VPS53: variants seen among roughly 807,000 people sequenced by gnomAD.
VPS53 encodes vacuolar protein sorting-associated protein 53 homolog.
VPS53 carries 70 observed loss-of-function variants against 107.0 expected under a neutral mutation model. The observed-to-expected ratio is 0.65, with a 90% CI of 0.54 to 0.80. The LOEUF is 0.80. VPS53 is among the 30% of genes least tolerant of loss of function. VPS53 has a pLI of 0.00. For synonymous variants in VPS53, 409 were observed against 393.3 expected, an observed-to-expected ratio of 1.04 and a Z score of -0.47; for missense variants, 917 against 1,049.4, an observed-to-expected ratio of 0.87 and a Z score of 1.74.
At chr17:647,338 A>G (rs979572123) in intron 7 of VPS53, among the ~76,000 whole-genome samples, 1 of 152,248 alleles carries the variant, frequency 6.6e-6, no homozygotes, top group African/African-American at 2.4e-5. Flanking sequence ...TCTCCATACA[A>G]AAATGGTGAA....
At chr17:707,381 G>A (rs762293999) in intron 2 of VPS53, among the ~76,000 whole-genome samples, 67 of 151,692 alleles carry the variant, frequency 4.4e-4, no homozygotes, top group Non-Finnish European at 7.8e-4. Context: ...AATTAGCCGC[G>A]TAGTGGCAGG....
intron 1 of VPS53, among the ~76,000 whole-genome samples, chr17:713,856 A>C: frequency 6.7e-6 from 1 of 150,044 alleles, no homozygotes. Flanking sequence ...CCTGGCCAAA[A>C]CGGTGAAACC....
At chr17:648,457 A>T (rs924976360) in intron 7 of VPS53, among the ~76,000 whole-genome samples, 2 of 152,186 alleles carry the variant, frequency 1.3e-5, no homozygotes, top group Non-Finnish European at 2.9e-5. Flanking sequence ...AGGCTGAGGC[A>T]GGAGAATTGC....
At chr17:622,566 G>A (rs919841795) in intron 11 of VPS53, among the ~76,000 whole-genome samples, 8 of 152,144 alleles carry the variant, frequency 5.3e-5, no homozygotes, top group African/African-American at 1.9e-4. Flanking sequence ...CTGTATTCAA[G>A]GAGCTCAATG....
chr17:628,018 T>C, intron 9 of VPS53, 70 bp downstream of exon 9: 1 of 1,469,844 alleles, frequency 6.8e-7, no homozygotes, highest in Non-Finnish European at 9.2e-7. Context: ...TCTAAATTAG[T>C]AGGCTTGACA....
At chr17:559,337 G>C (rs953387833) in intron 15 of VPS53, among the ~76,000 whole-genome samples, 1 of 151,956 alleles carries the variant, frequency 6.6e-6, no homozygotes, top group South Asian at 2.1e-4. Flanking sequence ...TACATGTATC[G>C]TATTTCTTTC....
intron 6 of VPS53, among the ~76,000 whole-genome samples, chr17:653,645 T>A (rs891285285): frequency 3.9e-5 from 6 of 152,110 alleles, no homozygotes; most frequent in African/African-American, 1.4e-4. Context: ...CTAACTAGTA[T>A]CAAAAAGGAT....
rs1190357164 is a variant in VPS53, at chr17:567,648, C to G, written c.1314-4903G>C. Among the ~76,000 whole-genome samples, 12 of 151,848 alleles carry G rather than the reference C, an allele frequency of 7.9e-5. No individual in the cohort carries two copies. In the East Asian group the frequency reaches 2.3e-3, roughly 29 times the overall value. On this transcript the variant is annotated intron_variant, in intron 13 of 21. Coordinates refer to ENST00000437048, the MANE Select transcript of VPS53 (RefSeq NM_001128159.3). Reference sequence around the variant, plus strand: ...CCCAAGTAGCTGGGACTACAGGCGTCCATCACCATGCATGGCTAGGAGGAG... The same window carrying G: ...CCCAAGTAGCTGGGACTACAGGCGTGCATCACCATGCATGGCTAGGAGGAG...
intron 17 of VPS53, among the ~76,000 whole-genome samples, chr17:549,335 C>T (rs1349321845): frequency 6.6e-6 from 1 of 152,104 alleles, no homozygotes; most frequent in Non-Finnish European, 1.5e-5. Context: ...TTTTATTTTG[C>T]TAGAACTCCA....
At chr17:598,187 C>G (rs1390112281) in intron 12 of VPS53, among the ~76,000 whole-genome samples, 1 of 152,218 alleles carries the variant, frequency 6.6e-6, no homozygotes, top group African/African-American at 2.4e-5. Context: ...GGTCTCCAGC[C>G]CCTAACCGCA....
intron 4 of VPS53, among the ~76,000 whole-genome samples, chr17:680,108 A>C (rs1972329992): frequency 6.6e-6 from 1 of 152,236 alleles, no homozygotes; most frequent in Non-Finnish European, 1.5e-5. Flanking sequence ...AATCTGGCCA[A>C]CATGGTGAAA....
intron 13 of VPS53, among the ~76,000 whole-genome samples, chr17:567,074 A>C (rs4968165): frequency 0.84 from 127,511 of 152,084 alleles, 53,731 homozygotes; most frequent in Middle Eastern, 0.89. Context: ...GCGTGAGCCA[A>C]CGCGCCAGCC....
chr17:558,889 G>A (rs1276838567), intron 15 of VPS53, among the ~76,000 whole-genome samples: 2 of 151,616 alleles, frequency 1.3e-5, no homozygotes, highest in African/African-American at 2.4e-5. Context: ...CAGCTACTCA[G>A]GAGGCTGAGG....
chr17:605,860 C>T (rs1968550506), intron 11 of VPS53, among the ~76,000 whole-genome samples: 1 of 152,010 alleles, frequency 6.6e-6, no homozygotes, highest in Non-Finnish European at 1.5e-5. Context: ...CTTTTGTGGG[C>T]CATGGTAAGG....
intron 4 of VPS53, among the ~76,000 whole-genome samples, chr17:692,740 C>T (rs1459149228): frequency 6.6e-6 from 1 of 152,254 alleles, no homozygotes; most frequent in Admixed American, 6.5e-5. Context: ...CGGTGGCTCA[C>T]GCCTGTCATC....
intron 11 of VPS53, among the ~76,000 whole-genome samples, chr17:615,348 AT>A (rs1969087028): frequency 6.6e-6 from 1 of 152,234 alleles, no homozygotes; most frequent in South Asian, 2.1e-4. Context: ...AGGATGATGC[AT>A]CCCACTGAAG....
chr17:556,245 A>C (rs1277598637), intron 15 of VPS53, among the ~76,000 whole-genome samples: 1 of 152,122 alleles, frequency 6.6e-6, no homozygotes, highest in East Asian at 1.9e-4. Context: ...AAACCACCGC[A>C]CTCCAGCCTG....
In VPS53 at chr17:560,474, G is replaced by C. The variant is rs761116073; in HGVS notation, c.1656C>G (p.Ile552Met). The change falls in exon 15 of 22, where the codon ATC becomes ATG. Residue 552 changes from isoleucine (I) to methionine (M), a missense_variant. By Grantham distance (10) the Ile-to-Met change is conservative. Transcript: ENST00000437048. ...ACTCTGCCGTGCTCAGGATGTTACA[G>C]ATGAGGCAGAGCTCCTCCAGAGTGA... Reference protein sequence around the residue: ...AKFTLEELCLICNILSTAEYC... With the variant: ...AKFTLEELCLMCNILSTAEYC... The C allele has an allele frequency of 3.1e-6, 5 of 1,613,128 alleles. No homozygotes were observed. The highest frequency in any genetic ancestry group is 4.2e-6 in the Non-Finnish European group (5 of 1,180,014).
intron 4 of VPS53, among the ~76,000 whole-genome samples, chr17:664,247 T>C (rs1004622212): frequency 1.3e-5 from 2 of 151,848 alleles, no homozygotes; most frequent in African/African-American, 4.8e-5. Flanking sequence ...CCTGGCTAAT[T>C]TTTTGTATTT....
Sources: gnomAD v4.1 joint callset for allele counts (sites outside exome capture counted in the v4.1 genomes callset) on GRCh38, gnomAD v4.1.1 for gene constraint, MANE v1.5 for transcripts, NCBI Gene and HGNC (gene_info 2026-07-23, HGNC 2026-07-21) for gene names.